Variants in ROBO1 observed in about 807,000 individuals in gnomAD.
ROBO1 encodes roundabout homolog 1.
ROBO1 carries 149 observed loss-of-function variants against 195.9 expected under a neutral mutation model. That is an observed-to-expected ratio of 0.76 (90% CI 0.67 to 0.87). ROBO1 has a LOEUF of 0.87. Among genes scored for constraint, ROBO1 ranks in the 40% least tolerant of loss-of-function variants. ROBO1 has a pLI of 0.00. For synonymous variants in ROBO1, 816 were observed against 733.2 expected (o/e 1.11, Z -1.82); for missense variants, 1,933 against 2,068.3 (o/e 0.93, Z 1.27).
At chr3:79,574,036 G>C (rs1437510455) in intron 2 of ROBO1, among the ~76,000 whole-genome samples, 2 of 151,982 alleles carry the variant, frequency 1.3e-5, no homozygotes, top group Non-Finnish European at 2.9e-5. Context: ...TGAGTCCATG[G>C]ATTTCCTGTA....
intron 2 of ROBO1, among the ~76,000 whole-genome samples, chr3:79,178,076 C>T (rs1028057398): frequency 2.0e-5 from 3 of 152,150 alleles, no homozygotes; most frequent in Non-Finnish European, 2.9e-5. Flanking sequence ...GCTTTTACCT[C>T]GATTTTTGAC....
chr3:78,787,926 CTTTTTTTTTTTTTTTTTT>C (rs71127358), intron 4 of ROBO1, among the ~76,000 whole-genome samples: 2 of 71,672 alleles, frequency 2.8e-5, no homozygotes, highest in Non-Finnish European at 4.8e-5. Context: ...GACCCCTTCT[CTTTTTTTTTTTTTTTTTT>C]TTTTTTTTTT....
intron 2 of ROBO1, among the ~76,000 whole-genome samples, chr3:79,583,687 T>C (rs1943728812): frequency 6.6e-6 from 1 of 151,966 alleles, no homozygotes. Context: ...ATTAATCTAC[T>C]AGTGTTTTTT....
intron 27 of ROBO1, among the ~76,000 whole-genome samples, chr3:78,615,216 G>A (rs1704043508): frequency 6.6e-6 from 1 of 152,108 alleles, no homozygotes; most frequent in African/African-American, 2.4e-5. Context: ...AGAAATTCAT[G>A]TTCTAAGAAA....
intron 4 of ROBO1, among the ~76,000 whole-genome samples, chr3:78,905,769 C>T (rs552885980): frequency 2.3e-4 from 35 of 152,212 alleles, no homozygotes; most frequent in Admixed American, 1.2e-3. Flanking sequence ...CTTAAATGTG[C>T]TTTAATATTC....
intron 3 of ROBO1, among the ~76,000 whole-genome samples, chr3:78,961,407 G>C (rs889851286): frequency 6.6e-6 from 1 of 152,180 alleles, no homozygotes; most frequent in African/African-American, 2.4e-5. Flanking sequence ...TTTAAGAATA[G>C]TAAGAACAAA....
chr3:78,656,500 G>A (rs572385205), intron 18 of ROBO1, among the ~76,000 whole-genome samples: 43 of 151,876 alleles, frequency 2.8e-4, no homozygotes, highest in Non-Finnish European at 2.2e-4. Context: ...ACAGGCGCCC[G>A]CCACCACACC....
intron 1 of ROBO1, among the ~76,000 whole-genome samples, chr3:79,613,247 G>A (rs1052440787): frequency 3.3e-5 from 5 of 151,854 alleles, no homozygotes; most frequent in African/African-American, 1.2e-4. Context: ...ATTTTATAGG[G>A]TTAACATTGT....
At chr3:78,919,438 C>G (rs2038815748) in intron 4 of ROBO1, among the ~76,000 whole-genome samples, 2 of 152,164 alleles carry the variant, frequency 1.3e-5, no homozygotes, top group Non-Finnish European at 2.9e-5. Context: ...TAAAAGAAAG[C>G]TGAACATGGC....
intron 2 of ROBO1, among the ~76,000 whole-genome samples, chr3:79,226,408 G>C (rs1458135227): frequency 6.6e-6 from 1 of 152,066 alleles, no homozygotes; most frequent in Non-Finnish European, 1.5e-5. Flanking sequence ...GGCACACCAA[G>C]TCTTCTTTGA....
chr3:79,606,700 C>A (rs1944496892), intron 1 of ROBO1, among the ~76,000 whole-genome samples: 1 of 151,884 alleles, frequency 6.6e-6, no homozygotes, highest in African/African-American at 2.4e-5. Flanking sequence ...CAGTGGTCAC[C>A]CTTGATATCA....
chr3:78,600,828 T>A (rs185031802), intron 29 of ROBO1, among the ~76,000 whole-genome samples: 1 of 152,266 alleles, frequency 6.6e-6, no homozygotes, highest in Admixed American at 6.5e-5. Context: ...TTATAAGGAA[T>A]TGGTAAAAAT....
intron 29 of ROBO1, among the ~76,000 whole-genome samples, chr3:78,601,932 T>C (rs1039614916): frequency 9.2e-5 from 14 of 152,132 alleles, no homozygotes; most frequent in Non-Finnish European, 1.6e-4. Context: ...ACCACAGATA[T>C]GCTGATGCTC....
intron 3 of ROBO1, among the ~76,000 whole-genome samples, chr3:79,017,137 A>T (rs769929465): frequency 5.9e-5 from 9 of 152,174 alleles, no homozygotes; most frequent in Non-Finnish European, 1.0e-4. Context: ...ATAATTTTTA[A>T]AATTTACTTT....
chr3:78,898,380 GTTTTTTT>G (rs773377988), intron 4 of ROBO1, among the ~76,000 whole-genome samples: 15 of 100,996 alleles, frequency 1.5e-4, no homozygotes, highest in East Asian at 6.6e-4. Context: ...GATAGATAGG[GTTTTTTT>G]TTTTTTTTTT....
At chr3:79,605,946 T>C (rs1944467255) in intron 1 of ROBO1, among the ~76,000 whole-genome samples, 1 of 151,664 alleles carries the variant, frequency 6.6e-6, no homozygotes, top group African/African-American at 2.4e-5. Context: ...ATAAAGTGCA[T>C]TGATCTTAAG....
intron 2 of ROBO1, among the ~76,000 whole-genome samples, chr3:79,259,206 G>A (rs1268341052): frequency 6.6e-6 from 1 of 152,052 alleles, no homozygotes; most frequent in Non-Finnish European, 1.5e-5. Flanking sequence ...GCACAGTGGT[G>A]CAATCTTGGT....
At chr3:78,892,050 C>T (rs200570254) in intron 4 of ROBO1, among the ~76,000 whole-genome samples, 1 of 152,160 alleles carries the variant, frequency 6.6e-6, no homozygotes, top group Admixed American at 6.5e-5. Context: ...GGATTAGATA[C>T]TCCATTGTAT....
chr3:79,358,704 C>A (rs2109296579), intron 2 of ROBO1, among the ~76,000 whole-genome samples: 2 of 152,114 alleles, frequency 1.3e-5, no homozygotes, highest in South Asian at 4.1e-4. Context: ...TAAAAGGAAA[C>A]AAACTCCAGA....
Sources: gnomAD v4.1 joint callset for allele counts (sites outside exome capture counted in the v4.1 genomes callset) on GRCh38, gnomAD v4.1.1 for gene constraint, MANE v1.5 for transcripts, NCBI Gene and HGNC (gene_info 2026-07-23, HGNC 2026-07-21) for gene names.